CELF2: variants seen among roughly 807,000 people sequenced by gnomAD.
The protein encoded by CELF2 is CUG triplet repeat RNA-binding protein 2.
A neutral mutation model predicts 62.6 loss-of-function variants in CELF2; 8 were observed. The ratio of observed to expected loss-of-function variants is 0.13; its 90% CI spans 0.07 to 0.23. CELF2 has a LOEUF of 0.23. CELF2 is among the 10% of genes least tolerant of loss of function. The pLI is 1.00. For missense variants in CELF2, 333 were observed against 671.0 expected (o/e 0.50, Z 5.56); for synonymous variants, 258 against 250.0 (o/e 1.03, Z -0.30).
intron 1 of CELF2, among the ~76,000 whole-genome samples, chr10:10,910,528 A>G (rs2063714220): frequency 6.6e-6 from 1 of 151,772 alleles, no homozygotes; most frequent in Non-Finnish European, 1.5e-5. Context: ...AACCCTGTCT[A>G]TACTAAAAAA....
chr10:11,168,097 C>T (rs593070), intron 2 of CELF2, among the ~76,000 whole-genome samples: 41,310 of 152,030 alleles, frequency 0.27, 5,812 homozygotes, highest in South Asian at 0.33. Context: ...GAAGAAATTT[C>T]ATTCTTGAAG....
chr10:11,329,058 A>G lies in CELF2; in HGVS notation c.*5A>G. On this transcript the variant is annotated 3_prime_UTR_variant, in exon 13 of 13. Coordinates refer to ENST00000633077, the MANE Select transcript of CELF2 (RefSeq NM_001326342.2). This position sits in a 1 kb window ranked among gnomAD's most constrained non-coding sequence, Gnocchi z 5.5. ...AACGACAGCAAACCTTACTGATCCT[A>G]ACCCCAGAGGCTCCCTGCTCTCATT... The G allele has an allele frequency of 1.9e-6, 3 of 1,609,324 alleles. No homozygotes were observed. Among genetic ancestry groups the G allele is most frequent in the South Asian group, 1.1e-5 (1 of 90,754 alleles).
At chr10:11,301,841 G>A (rs1203685673) in intron 9 of CELF2, among the ~76,000 whole-genome samples, 1 of 152,048 alleles carries the variant, frequency 6.6e-6, no homozygotes, top group Non-Finnish European at 1.5e-5. Context: ...CACCCATGTC[G>A]TGAGGAGCCC....
At chr10:10,584,103 C>T in the CELF2 span, among the ~76,000 whole-genome samples, 1 of 152,032 alleles carries the variant, frequency 6.6e-6, no homozygotes, top group Non-Finnish European at 1.5e-5. Context: ...GTTATCACCA[C>T]CTACCTAAAA....
intron 1 of CELF2, among the ~76,000 whole-genome samples, chr10:10,833,817 T>C (rs1428166675): frequency 6.6e-6 from 1 of 152,162 alleles, no homozygotes; most frequent in East Asian, 1.9e-4. Flanking sequence ...AAATAACAGA[T>C]GCTGGTGAGG....
At chr10:10,804,639 C>G (rs1026324701) in intron 1 of CELF2, among the ~76,000 whole-genome samples, 6 of 152,140 alleles carry the variant, frequency 3.9e-5, no homozygotes, top group Non-Finnish European at 1.5e-5. Flanking sequence ...TTTGAATGAG[C>G]CTTAAAGCTG....
At chr10:10,543,982 TTAA>T in the CELF2 span, among the ~76,000 whole-genome samples, 61 of 152,286 alleles carry the variant, frequency 4.0e-4, no homozygotes, top group African/African-American at 1.4e-3. Context: ...TAACACGCAG[TTAA>T]TATGAAAGTG....
the CELF2 span, among the ~76,000 whole-genome samples, chr10:10,658,708 A>G: frequency 6.6e-6 from 1 of 152,148 alleles, no homozygotes; most frequent in Non-Finnish European, 1.5e-5. Context: ...ATCTTGTTAA[A>G]CTGAATTTGT....
At chr10:10,838,722 G>T (rs1466348704) in intron 1 of CELF2, among the ~76,000 whole-genome samples, 1 of 152,060 alleles carries the variant, frequency 6.6e-6, no homozygotes, top group African/African-American at 2.4e-5. Flanking sequence ...ATTCTCATGT[G>T]GGTTTTGTTT....
the CELF2 span, among the ~76,000 whole-genome samples, chr10:10,663,240 A>G: frequency 5.3e-5 from 8 of 152,194 alleles, no homozygotes; most frequent in African/African-American, 1.9e-4. Flanking sequence ...ATTGAGCAAC[A>G]TTTATTAATC....
At chr10:11,123,568 G>A (rs189573350) in intron 1 of CELF2, among the ~76,000 whole-genome samples, 2 of 152,270 alleles carry the variant, frequency 1.3e-5, no homozygotes, top group South Asian at 2.1e-4. Flanking sequence ...GTTTTGATAG[G>A]TGGTGAGGGT....
intron 3 of CELF2, among the ~76,000 whole-genome samples, chr10:11,234,371 C>T (rs568235503): frequency 6.6e-6 from 1 of 152,280 alleles, no homozygotes; most frequent in African/African-American, 2.4e-5. Context: ...TTCATAGACA[C>T]TCTTTCAACA....
chr10:11,213,001 A>G (rs544331630), intron 2 of CELF2, among the ~76,000 whole-genome samples: 4 of 152,288 alleles, frequency 2.6e-5, no homozygotes, highest in Admixed American at 6.5e-5. Flanking sequence ...TACCAGCATT[A>G]AGCAGCAATG....
the CELF2 span, among the ~76,000 whole-genome samples, chr10:10,587,384 C>T: frequency 6.6e-5 from 10 of 152,154 alleles, no homozygotes; most frequent in African/African-American, 1.9e-4. Context: ...TTTGAAATCA[C>T]TCTTAGCACA....
chr10:10,732,122 A>C, the CELF2 span, among the ~76,000 whole-genome samples: 1 of 152,176 alleles, frequency 6.6e-6, no homozygotes. Flanking sequence ...TCAGCACCAA[A>C]GAAGCTACTA....
chr10:10,722,446 C>T, the CELF2 span, among the ~76,000 whole-genome samples: 3 of 152,160 alleles, frequency 2.0e-5, no homozygotes, highest in African/African-American at 7.2e-5. Flanking sequence ...ATTTGCATTG[C>T]TTAAATAGCC....
chr10:10,759,121 C>A, the CELF2 span, among the ~76,000 whole-genome samples: 1 of 152,150 alleles, frequency 6.6e-6, no homozygotes, highest in South Asian at 2.1e-4. Context: ...TTCCGTGGAC[C>A]TAAGCATAGC....
At chr10:10,572,352 T>G in the CELF2 span, among the ~76,000 whole-genome samples, 1 of 141,984 alleles carries the variant, frequency 7.0e-6, no homozygotes, top group Admixed American at 7.1e-5. Context: ...TTTTTAATTT[T>G]TCTTTTTATT....
At chr10:11,087,909 A>G (rs1036206027) in intron 1 of CELF2, among the ~76,000 whole-genome samples, 4 of 152,172 alleles carry the variant, frequency 2.6e-5, no homozygotes, top group Non-Finnish European at 4.4e-5. Context: ...CATACTATAC[A>G]TGTTTCTTAA....
Sources: allele counts gnomAD v4.1 joint callset (sites outside exome capture counted in the v4.1 genomes callset), GRCh38; gene constraint gnomAD v4.1.1; non-coding constraint Gnocchi (gnomAD v3.1); transcripts MANE v1.5; gene names NCBI Gene and HGNC (gene_info 2026-07-23, HGNC 2026-07-21).